The following VPS13C variants were observed in gnomAD, a reference collection of about 807,000 sequenced individuals.
VPS13C encodes vacuolar protein sorting 13 homolog C.
VPS13C carries 358 observed loss-of-function variants against 456.8 expected under a neutral mutation model. The observed-to-expected ratio is 0.78, with a 90% CI of 0.72 to 0.86. The LOEUF (loss-of-function observed/expected upper bound fraction) is 0.86. Among genes scored for constraint, VPS13C ranks in the 40% least tolerant of loss-of-function variants. The pLI, the probability that VPS13C is intolerant of heterozygous loss-of-function variation, is 0.00. For synonymous variants in VPS13C, 1,578 were observed against 1,486.7 expected, an observed-to-expected ratio of 1.06 and a Z score of -1.41; for missense variants, 4,818 against 4,385.4, an observed-to-expected ratio of 1.10 and a Z score of -2.79.
At chr15:61,880,563 T>A in intron 73 of VPS13C, 46 bp downstream of exon 73, 1 of 1,348,450 alleles carries the variant, frequency 7.4e-7, no homozygotes, top group African/African-American at 1.5e-5. Context: ...TTTAAAAAGT[T>A]CTACAATAAT....
At chr15:61,948,924 A>G (rs1371660582) in intron 42 of VPS13C, among the ~76,000 whole-genome samples, 1 of 152,244 alleles carries the variant, frequency 6.6e-6, no homozygotes, top group East Asian at 1.9e-4. Context: ...TTTTCATAAC[A>G]TAAGTCATAT....
At chr15:61,923,653 C>G (rs2043735356) in intron 53 of VPS13C, among the ~76,000 whole-genome samples, 1 of 151,056 alleles carries the variant, frequency 6.6e-6, no homozygotes, top group Admixed American at 6.6e-5. Context: ...TAACTGTATT[C>G]CTTTATTGTT....
Position 61,984,979 on chromosome 15 carries a change from G to T in VPS13C, c.1599C>A (p.Thr533=). The T allele has an allele frequency of 6.3e-7, 1 of 1,581,456 alleles. No homozygotes were observed. Residue 533 remains threonine (T), a synonymous_variant, in exon 19 of 85, where the codon ACC becomes ACA. Transcript: ENST00000644861. ...TAACAGAGGTGCTTACTAACTTCAG[G>T]GTCATAATATGGGCAACATACTATA... is the stretch of plus-strand genomic sequence containing the variant. ...LPKQYVAHIM[T]LKLVSTSVTI...
chr15:62,045,565 T>C (rs1006042655), intron 1 of VPS13C, among the ~76,000 whole-genome samples: 1 of 152,078 alleles, frequency 6.6e-6, no homozygotes, highest in Non-Finnish European at 1.5e-5. Flanking sequence ...GTCAGAAAGG[T>C]AGGCAAGGGC....
intron 36 of VPS13C, 93 bp downstream of exon 36, chr15:61,959,355 G>A (rs773665940): frequency 5.1e-6 from 6 of 1,167,348 alleles, no homozygotes; most frequent in African/African-American, 1.5e-5. Flanking sequence ...ATACTATTCA[G>A]CAAAAGAGTC....
At chr15:61,961,533 A>G (rs530800105) in intron 35 of VPS13C, 56 bp downstream of exon 35, 18 of 1,470,782 alleles carry the variant, frequency 1.2e-5, no homozygotes, top group Non-Finnish European at 1.4e-5. Flanking sequence ...AAGTCATAAA[A>G]TTTCATGGAA....
At chr15:61,928,948 A>G (rs1341837382) in intron 51 of VPS13C, among the ~76,000 whole-genome samples, 5 of 151,652 alleles carry the variant, frequency 3.3e-5, no homozygotes, top group African/African-American at 1.2e-4. Context: ...AAGGAAAGAA[A>G]AAAAAGGGAA....
At chr15:61,904,632 G>A (rs1008425786) in intron 66 of VPS13C, among the ~76,000 whole-genome samples, 3 of 151,986 alleles carry the variant, frequency 2.0e-5, no homozygotes, top group African/African-American at 4.8e-5. Flanking sequence ...CCGCAATTCC[G>A]CTGCTTGGTA....
intron 15 of VPS13C, among the ~76,000 whole-genome samples, chr15:62,001,927 AT>A (rs1421510698): frequency 6.6e-6 from 1 of 152,154 alleles, no homozygotes; most frequent in South Asian, 2.1e-4. Context: ...ATTGTTGGAC[AT>A]TTGGGTTGGT....
At chr15:61,966,601 A>G (rs1271560280) in intron 29 of VPS13C, among the ~76,000 whole-genome samples, 3 of 151,846 alleles carry the variant, frequency 2.0e-5, no homozygotes. Context: ...ATAACTAACC[A>G]TTGGTCCTAG....
intron 5 of VPS13C, among the ~76,000 whole-genome samples, chr15:62,032,120 T>C (rs891112713): frequency 1.3e-5 from 2 of 151,878 alleles, no homozygotes; most frequent in Non-Finnish European, 2.9e-5. Flanking sequence ...ATATACCTAA[T>C]GATGAATATA....
chr15:61,875,922 A>T, intron 75 of VPS13C, 77 bp from the exon 76 acceptor site: 1 of 977,030 alleles, frequency 1.0e-6, no homozygotes, highest in Non-Finnish European at 1.5e-6. Flanking sequence ...AAAAAAAGAG[A>T]TTTACTGATA....
intron 19 of VPS13C, 59 bp downstream of exon 19, chr15:61,984,798 A>AT (rs894552348): frequency 1.3e-6 from 2 of 1,541,572 alleles, no homozygotes; most frequent in African/African-American, 1.4e-5. Flanking sequence ...AATAACACAC[A>AT]TTTTTTGCCT....
chr15:62,006,368 C>T (rs1312743516), intron 15 of VPS13C, among the ~76,000 whole-genome samples: 1 of 151,922 alleles, frequency 6.6e-6, no homozygotes, highest in Admixed American at 6.6e-5. Context: ...GGTTTTTTGT[C>T]CTTGCGATAG....
chr15:62,058,442 C>G (rs1347041022), intron 1 of VPS13C, among the ~76,000 whole-genome samples: 1 of 151,128 alleles, frequency 6.6e-6, no homozygotes, highest in African/African-American at 2.4e-5. Flanking sequence ...TAACTGCAGA[C>G]CAAAAATATT....
At chr15:61,978,528 G>A (rs939457253) in intron 23 of VPS13C, 98 bp downstream of exon 23, 1 of 1,377,686 alleles carries the variant, frequency 7.3e-7, no homozygotes, top group African/African-American at 1.5e-5. Flanking sequence ...TGTGCAAAAT[G>A]GTTGTCAGGG....
intron 21 of VPS13C, 151 bp downstream of exon 21, chr15:61,982,308 T>C: frequency 2.1e-6 from 1 of 468,568 alleles, no homozygotes; most frequent in Non-Finnish European, 3.6e-6. Flanking sequence ...TATTTGATTT[T>C]GAGAAAGCCA....
In VPS13C at chr15:61,978,641, G is replaced by C; in HGVS notation, c.2275C>G (p.Leu759Val). 1 of 1,610,322 alleles carries C rather than the reference G, an allele frequency of 6.2e-7. No individual in the cohort carries two copies. ...AACGGTTTACCTGCTCTTGCAAAAA[G>C]TAGTTGTACATTTTTTATTTCAACA... Reference protein sequence around the residue: ...FDVEIKNVQLLFARAEETWKK... With the variant: ...FDVEIKNVQLVFARAEETWKK... Residue 759 changes from leucine to valine, a missense_variant, in exon 23 of 85, where the codon CTT (leucine) becomes GTT (valine). Leu to Val is a conservative substitution (Grantham distance 32, BLOSUM62 1). This residue lies in a region of VPS13C where 4,552 missense variants were observed against 4,130.6 expected (regional missense o/e 1.10). Transcript: ENST00000644861.
chr15:61,904,391 T>C (rs2043095140), intron 66 of VPS13C, among the ~76,000 whole-genome samples: 2 of 148,958 alleles, frequency 1.3e-5, no homozygotes, highest in South Asian at 4.2e-4. Flanking sequence ...AACATGTATA[T>C]AAAGCAATGT....
Sources: allele counts gnomAD v4.1 joint callset (sites outside exome capture counted in the v4.1 genomes callset), GRCh38; gene constraint gnomAD v4.1.1; regional missense constraint gnomAD v4.1.1; transcripts MANE v1.5; gene names NCBI Gene and HGNC (gene_info 2026-07-23, HGNC 2026-07-21).